Variants in SLC9A9 observed in about 807,000 individuals in gnomAD.
SLC9A9 encodes sodium/hydrogen exchanger 9.
In SLC9A9, 62 loss-of-function variants were observed where a neutral mutation model predicts 77.8. That is an observed-to-expected ratio of 0.80 (90% CI 0.65 to 0.98). The LOEUF is 0.98. SLC9A9 is among the 50% of genes least tolerant of loss of function. SLC9A9 has a pLI of 0.00. For missense variants in SLC9A9, 775 were observed against 774.9 expected (o/e 1.00, Z 0.00); for synonymous variants, 320 against 283.5 (o/e 1.13, Z -1.29).
chr3:143,814,682 T>A (rs1458620028), intron 2 of SLC9A9, among the ~76,000 whole-genome samples: 2 of 152,122 alleles, frequency 1.3e-5, no homozygotes, highest in Non-Finnish European at 2.9e-5. Context: ...TGAAATTCAA[T>A]AAACAGAAAG....
chr3:143,610,462 G>A, intron 6 of SLC9A9, among the ~76,000 whole-genome samples: 1 of 152,136 alleles, frequency 6.6e-6, no homozygotes, highest in Admixed American at 6.5e-5. Flanking sequence ...TTCTATTCTT[G>A]AATGCTTATT....
At chr3:143,330,305 G>A (rs1281592209) in intron 14 of SLC9A9, among the ~76,000 whole-genome samples, 1 of 152,162 alleles carries the variant, frequency 6.6e-6, no homozygotes, top group East Asian at 1.9e-4. Flanking sequence ...GGTAGACAGT[G>A]GACTTGCCCA....
intron 12 of SLC9A9, among the ~76,000 whole-genome samples, chr3:143,463,971 G>T (rs2035239893): frequency 6.6e-6 from 1 of 152,072 alleles, no homozygotes; most frequent in Non-Finnish European, 1.5e-5. Context: ...GCATCCTACT[G>T]TGGTAGTTTG....
At chr3:143,790,518 C>T (rs2008187977) in intron 4 of SLC9A9, among the ~76,000 whole-genome samples, 2 of 152,084 alleles carry the variant, frequency 1.3e-5, no homozygotes, top group Non-Finnish European at 2.9e-5. Flanking sequence ...TACATACTGC[C>T]CATTTCATGC....
chr3:143,402,128 C>T (rs1271021797), intron 12 of SLC9A9, among the ~76,000 whole-genome samples: 2 of 152,012 alleles, frequency 1.3e-5, no homozygotes, highest in African/African-American at 4.8e-5. Flanking sequence ...AACACTGAGA[C>T]CCACAAAGAT....
chr3:143,841,450 A>T (rs1399341123), intron 1 of SLC9A9, among the ~76,000 whole-genome samples: 1 of 152,190 alleles, frequency 6.6e-6, no homozygotes, highest in African/African-American at 2.4e-5. Context: ...TGTGTTAGCT[A>T]TTTTTATTTT....
intron 4 of SLC9A9, among the ~76,000 whole-genome samples, chr3:143,761,750 A>T (rs560278787): frequency 2.0e-5 from 3 of 152,226 alleles, no homozygotes; most frequent in African/African-American, 4.8e-5. Flanking sequence ...GTGGGACTAT[A>T]AACTAGTTCA....
chr3:143,468,501 A>G (rs1289485707), intron 11 of SLC9A9, among the ~76,000 whole-genome samples: 2 of 152,210 alleles, frequency 1.3e-5, no homozygotes. Context: ...AAGCCTTAAC[A>G]TTGGGTAGAG....
intron 9 of SLC9A9, among the ~76,000 whole-genome samples, chr3:143,507,584 T>A (rs2036043746): frequency 6.6e-6 from 1 of 152,244 alleles, no homozygotes; most frequent in African/African-American, 2.4e-5. Flanking sequence ...GAAGCATCAT[T>A]ATTAGCCAAA....
At chr3:143,570,504 C>T (rs2037239553) in intron 8 of SLC9A9, among the ~76,000 whole-genome samples, 1 of 152,004 alleles carries the variant, frequency 6.6e-6, no homozygotes, top group Non-Finnish European at 1.5e-5. Context: ...CAGGCAGTTA[C>T]ATAAATAAAA....
chr3:143,503,117 G>A (rs2035953238), intron 9 of SLC9A9, among the ~76,000 whole-genome samples: 1 of 152,158 alleles, frequency 6.6e-6, no homozygotes, highest in Non-Finnish European at 1.5e-5. Flanking sequence ...ACAAAGTGGG[G>A]CTTTCTAGGC....
chr3:143,748,582 A>G (rs1935254756), intron 4 of SLC9A9, among the ~76,000 whole-genome samples: 1 of 152,232 alleles, frequency 6.6e-6, no homozygotes, highest in Non-Finnish European at 1.5e-5. Context: ...TCATGAACAA[A>G]AGGTAACTGA....
chr3:143,370,397 G>A (rs1428266608), intron 13 of SLC9A9, among the ~76,000 whole-genome samples: 1 of 152,062 alleles, frequency 6.6e-6, no homozygotes, highest in Non-Finnish European at 1.5e-5. Context: ...ACAGATTGAA[G>A]ATTAAATACA....
chr3:143,322,547 T>C (rs2031454161), intron 14 of SLC9A9, among the ~76,000 whole-genome samples: 1 of 152,154 alleles, frequency 6.6e-6, no homozygotes, highest in South Asian at 2.1e-4. Flanking sequence ...TATGTATGTA[T>C]CTATCTAATC....
At chr3:143,583,885 T>C (rs1477087228) in intron 6 of SLC9A9, among the ~76,000 whole-genome samples, 3 of 152,156 alleles carry the variant, frequency 2.0e-5, no homozygotes, top group Admixed American at 6.5e-5. Flanking sequence ...AGGCCTACCA[T>C]CTTTGGGTGG....
At chr3:143,642,828 T>A (rs1422346055) in intron 6 of SLC9A9, among the ~76,000 whole-genome samples, 1 of 152,204 alleles carries the variant, frequency 6.6e-6, no homozygotes, top group Non-Finnish European at 1.5e-5. Context: ...TGTCATTCCC[T>A]TTAGTTTTTA....
intron 14 of SLC9A9, among the ~76,000 whole-genome samples, chr3:143,338,701 A>AAAAAC (rs1178493779): frequency 8.5e-5 from 13 of 152,188 alleles, no homozygotes; most frequent in African/African-American, 3.1e-4. Flanking sequence ...TCTTTATGTT[A>AAAAAC]AAAACAACTT....
intron 4 of SLC9A9, among the ~76,000 whole-genome samples, chr3:143,713,128 A>G (rs1205492702): frequency 6.6e-6 from 1 of 152,192 alleles, no homozygotes; most frequent in Non-Finnish European, 1.5e-5. Context: ...AAAATCCCCA[A>G]GACTCAGTGA....
At chr3:143,503,907 C>T in intron 9 of SLC9A9, 1 of 371,826 alleles carries the variant, frequency 2.7e-6, no homozygotes, top group Non-Finnish European at 5.2e-6. Flanking sequence ...GAGGAGGGGG[C>T]AGAGATGATG....
Sources: gnomAD v4.1 joint callset for allele counts (sites outside exome capture counted in the v4.1 genomes callset) on GRCh38, gnomAD v4.1.1 for gene constraint, MANE v1.5 for transcripts, NCBI Gene and HGNC (gene_info 2026-07-23, HGNC 2026-07-21) for gene names.